Variants in NAV2 observed in about 807,000 individuals in gnomAD.
The protein encoded by NAV2 is helicase, APC down-regulated 1.
Under a neutral mutation model 223.2 loss-of-function variants are expected in NAV2, and 54 were observed. The ratio of observed to expected loss-of-function variants is 0.24; its 90% CI spans 0.19 to 0.30. The LOEUF is 0.30. NAV2 is among the 10% of genes least tolerant of loss of function. The pLI, the probability that NAV2 is intolerant of heterozygous loss-of-function variation, is 1.00. For missense variants in NAV2, 2,806 were observed against 3,147.5 expected (o/e 0.89, Z 2.60); for synonymous variants, 1,279 against 1,239.3 (o/e 1.03, Z -0.67).
chr11:19,670,088 C>A (rs1361103710), intron 1 of NAV2, among the ~76,000 whole-genome samples: 1 of 152,228 alleles, frequency 6.6e-6, no homozygotes, highest in Non-Finnish European at 1.5e-5. Context: ...AAGCTATGAT[C>A]CAGCCTCTCT....
At chr11:19,814,585 C>T (rs1285014004) in intron 1 of NAV2, among the ~76,000 whole-genome samples, 1 of 152,178 alleles carries the variant, frequency 6.6e-6, no homozygotes, top group African/African-American at 2.4e-5. Flanking sequence ...GTCCTGGTGC[C>T]TGCAGCTGTG....
At chr11:19,495,311 C>T (rs1001265070) in intron 1 of NAV2, among the ~76,000 whole-genome samples, 1 of 152,190 alleles carries the variant, frequency 6.6e-6, no homozygotes, top group Non-Finnish European at 1.5e-5. Flanking sequence ...AGTCCCTGCC[C>T]CTGCCATCCA....
upstream of NAV2, among the ~76,000 whole-genome samples, chr11:19,348,343 T>C (rs576806151): frequency 4.6e-5 from 7 of 152,254 alleles, no homozygotes; most frequent in African/African-American, 1.7e-4. Context: ...CTTTTATTAT[T>C]ATTCATGAGG....
chr11:19,754,687 AC>A (rs1336301063), intron 1 of NAV2, among the ~76,000 whole-genome samples: 1 of 152,178 alleles, frequency 6.6e-6, no homozygotes, highest in Non-Finnish European at 1.5e-5. Context: ...TAAACTCAAT[AC>A]ATTTACAAGT....
chr11:19,743,107 T>C (rs2052999948), intron 1 of NAV2, among the ~76,000 whole-genome samples: 1 of 152,172 alleles, frequency 6.6e-6, no homozygotes, highest in Non-Finnish European at 1.5e-5. Context: ...TCCCCCTATT[T>C]GGGATTTTGG....
chr11:20,072,483 T>G (rs985654203), intron 22 of NAV2, among the ~76,000 whole-genome samples: 1 of 152,180 alleles, frequency 6.6e-6, no homozygotes, highest in Non-Finnish European at 1.5e-5. Context: ...AAGTCATTGG[T>G]AGCTTGATGG....
chr11:19,692,204 C>T (rs2049195382), intron 1 of NAV2, among the ~76,000 whole-genome samples: 1 of 152,228 alleles, frequency 6.6e-6, no homozygotes, highest in Non-Finnish European at 1.5e-5. Flanking sequence ...AGGGCCTCAC[C>T]ACCGGGGTTG....
chr11:19,397,424 C>CGCGCGCGT (rs1564904910), intron 1 of NAV2, among the ~76,000 whole-genome samples: 17 of 33,204 alleles, frequency 5.1e-4, no homozygotes, highest in African/African-American at 1.4e-3. Flanking sequence ...TGTGTGCGCG[C>CGCGCGCGT]ATGTGTGTGT....
chr11:19,626,602 T>C (rs936655129), intron 1 of NAV2, among the ~76,000 whole-genome samples: 2 of 152,214 alleles, frequency 1.3e-5, no homozygotes, highest in African/African-American at 4.8e-5. Context: ...GCATTGAATC[T>C]GTAGACTGCT....
At chr11:19,956,141 G>A (rs2047839513) in intron 10 of NAV2, among the ~76,000 whole-genome samples, 3 of 152,188 alleles carry the variant, frequency 2.0e-5, no homozygotes, top group African/African-American at 7.2e-5. Flanking sequence ...ACTCAGCTAT[G>A]TGGACAGACC....
At chr11:20,102,280 A>G (rs1215408313) in intron 32 of NAV2, among the ~76,000 whole-genome samples, 2 of 152,074 alleles carry the variant, frequency 1.3e-5, no homozygotes, top group Non-Finnish European at 2.9e-5. Flanking sequence ...ACATATTTTG[A>G]CTTAAAATGG....
intron 6 of NAV2, among the ~76,000 whole-genome samples, chr11:19,893,139 TG>T (rs1291466409): frequency 2.3e-5 from 1 of 44,306 alleles, no homozygotes; most frequent in African/African-American, 6.5e-5. Context: ...TAAAAGGATA[TG>T]GATTTTTTTT....
chr11:19,613,603 A>G (rs140037196), intron 1 of NAV2, among the ~76,000 whole-genome samples: 7 of 152,308 alleles, frequency 4.6e-5, no homozygotes, highest in Non-Finnish European at 1.0e-4. Flanking sequence ...CTTGGCTTCT[A>G]TGGCCAATCC....
intron 5 of NAV2, among the ~76,000 whole-genome samples, chr11:19,883,453 G>T (rs1424193538): frequency 6.6e-6 from 1 of 152,166 alleles, no homozygotes; most frequent in Non-Finnish European, 1.5e-5. Context: ...GAGGAGCATA[G>T]TCTCCAGGAC....
chr11:19,408,251 A>G (rs1029070208), intron 1 of NAV2, among the ~76,000 whole-genome samples: 7 of 152,180 alleles, frequency 4.6e-5, no homozygotes, highest in African/African-American at 1.4e-4. Context: ...GGCTTAGGTA[A>G]TTGGAGAGCA....
At chr11:19,373,489 C>T (rs1031313044) in intron 1 of NAV2, among the ~76,000 whole-genome samples, 1 of 152,144 alleles carries the variant, frequency 6.6e-6, no homozygotes, top group Admixed American at 6.5e-5. Flanking sequence ...GAAAAGAGTT[C>T]CCCCAATATT....
At chr11:19,637,640 G>C (rs1474719558) in intron 1 of NAV2, among the ~76,000 whole-genome samples, 5 of 152,252 alleles carry the variant, frequency 3.3e-5, no homozygotes, top group Admixed American at 3.3e-4. Context: ...AAGGCAAAGG[G>C]AGAGCAGGCA....
chr11:19,820,166 A>C (rs1426710793), intron 1 of NAV2, among the ~76,000 whole-genome samples: 1 of 152,244 alleles, frequency 6.6e-6, no homozygotes, highest in Non-Finnish European at 1.5e-5. Flanking sequence ...GTAGTGGCCC[A>C]GGTTCTCACT....
chr11:19,919,007 G>A (rs2044043737), intron 6 of NAV2, among the ~76,000 whole-genome samples: 1 of 152,074 alleles, frequency 6.6e-6, no homozygotes, highest in Non-Finnish European at 1.5e-5. Context: ...GAAAGTACCT[G>A]AAACAGAAGA....
Sources: allele counts gnomAD v4.1 joint callset (sites outside exome capture counted in the v4.1 genomes callset), GRCh38; gene constraint gnomAD v4.1.1; transcripts MANE v1.5; gene names NCBI Gene and HGNC (gene_info 2026-07-23, HGNC 2026-07-21).